The following EPS8 variants were observed in gnomAD, a reference collection of about 807,000 sequenced individuals.
The protein encoded by EPS8 is EGFR pathway substrate 8, signaling adaptor, also known as epidermal growth factor receptor kinase substrate 8.
EPS8 carries 42 observed loss-of-function variants against 103.8 expected under a neutral mutation model. The ratio of observed to expected loss-of-function variants is 0.40; its 90% confidence interval spans 0.32 to 0.52. EPS8 has a LOEUF of 0.52. Ranked by LOEUF, EPS8 falls within the 20% of genes least tolerant of loss-of-function variation. EPS8 has a pLI of 0.40. For missense variants in EPS8, 969 were observed against 1,005.1 expected (o/e 0.96, Z 0.49); for synonymous variants, 344 against 344.6 (o/e 1.00, Z 0.02).
intron 19 of EPS8, among the ~76,000 whole-genome samples, 196 bp from the exon 20 acceptor site, chr12:15,623,483 C>G (rs984397409): frequency 6.6e-6 from 1 of 152,094 alleles, no homozygotes; most frequent in African/African-American, 2.4e-5. Context: ...TGAGGCTATA[C>G]AGATTATTAA....
In EPS8 at chr12:15,684,923, A is replaced by G. The variant is rs1946070451; in HGVS notation, c.-21-1951T>C. Among the ~76,000 whole-genome samples, 1 of 152,194 alleles carries G rather than the reference A, an allele frequency of 6.6e-6. No individual in the cohort carries two copies. Among genetic ancestry groups the G allele is most frequent in the Non-Finnish European group, 1.5e-5 (1 of 68,032 alleles). Reference sequence around the variant, plus strand: ...TTTTGTTGTTTTCCTTCTTCAGTTTACACTTGGATACAATCAGTGGTGTGC... The same window carrying G: ...TTTTGTTGTTTTCCTTCTTCAGTTTGCACTTGGATACAATCAGTGGTGTGC... On this transcript the variant is annotated intron_variant, in intron 1 of 20. Coordinates refer to ENST00000281172, the MANE Select transcript of EPS8 (RefSeq NM_004447.6). This position sits in a 1 kb window ranked among gnomAD's most constrained non-coding sequence, Gnocchi z 4.9.
rs1447519656 is a variant in EPS8 at position 15,697,690 on chromosome 12, AT to A, written c.-21-14719del. On this transcript the variant is annotated intron_variant, in intron 1 of 20. Transcript: ENST00000281172. The surrounding 1 kb of genome is among the most constrained non-coding windows in gnomAD (Gnocchi z 5.6). ...ATGACCTCTAAAAAGAACTACATGG[AT>A]TTTTTTCTTCTTTTGCCAAAAATTA... Among the ~76,000 whole-genome samples the A allele has an allele frequency of 3.3e-5, 5 of 152,138 alleles. No homozygotes were observed. Among genetic ancestry groups the A allele is most frequent in the Non-Finnish European group, 7.4e-5 (5 of 68,018 alleles).
intron 17 of EPS8, among the ~76,000 whole-genome samples, chr12:15,639,033 C>T (rs1565472381): frequency 6.6e-6 from 1 of 152,156 alleles, no homozygotes; most frequent in African/African-American, 2.4e-5. Flanking sequence ...TCGCAGTTTG[C>T]TTATTCCTAG....
intron 15 of EPS8, among the ~76,000 whole-genome samples, chr12:15,644,380 T>C (rs2135765915): frequency 1.3e-5 from 2 of 152,296 alleles, no homozygotes; most frequent in Middle Eastern, 6.8e-3. Flanking sequence ...TGTGCCACTT[T>C]TTTTTCCCCT....
At chr12:15,687,716 A>C (rs556572138) in intron 1 of EPS8, among the ~76,000 whole-genome samples, 4 of 152,320 alleles carry the variant, frequency 2.6e-5, no homozygotes, top group African/African-American at 9.6e-5. Flanking sequence ...GACATATTCT[A>C]ATACTACTAT....
chr12:15,654,057 G>A lies in EPS8; in HGVS notation c.1250+88C>T, dbSNP rs139326309. 5,972 of 1,270,986 alleles carry A rather than the reference G, an allele frequency of 4.7e-3. 36 individuals are homozygous for A. The highest frequency in any genetic ancestry group is 0.013 in the Middle Eastern group (70 of 5,226). The allele number at this position is 1,270,986 out of a possible 1,614,324, so 78.7% of individuals were successfully genotyped here. A position where few individuals can be genotyped will look rare whatever the true frequency, so the allele number is the denominator to read the frequency against. ...TTCATCCTATGACGCTTAGTCCTTCGTATGTAGAAGGTTAAATAAATGTCT... is the reference window on the plus strand; with the variant it reads ...TTCATCCTATGACGCTTAGTCCTTCATATGTAGAAGGTTAAATAAATGTCT... On this transcript the variant is annotated intron_variant, in intron 13 of 20. Coordinates refer to ENST00000281172, the MANE Select transcript of EPS8 (RefSeq NM_004447.6).
intron 8 of EPS8, among the ~76,000 whole-genome samples, chr12:15,664,563 T>G (rs184112391): frequency 2.6e-4 from 39 of 152,350 alleles, no homozygotes; most frequent in African/African-American, 9.4e-4. Context: ...TACAGAGAGA[T>G]AACTTCCCAA....
chr12:15,669,324 G>T, intron 6 of EPS8, 63 bp downstream of exon 6: 2 of 1,444,610 alleles, frequency 1.4e-6, no homozygotes, highest in Non-Finnish European at 1.9e-6. Context: ...ATCAAAATAG[G>T]TAATTCAAAA....
Position 15,702,630 on chromosome 12 carries a change from T to C in EPS8, c.-21-19658A>G, listed in dbSNP as rs1946324890. 6.8e-6 allele frequency among the ~76,000 whole-genome samples: 1 copy of C among 146,996 alleles called. No homozygotes were observed. The highest frequency in any genetic ancestry group is 3.4e-3 in the Middle Eastern group (1 of 294). On this transcript the variant is annotated intron_variant, in intron 1 of 20. Transcript: ENST00000281172. This position sits in a 1 kb window ranked among gnomAD's most constrained non-coding sequence, Gnocchi z 5.1. Reference sequence around the variant, plus strand: ...TAAAACATATATCCAGTATATTAAATATGAAGAAAAAAATTGCATGCCTAA... The same window carrying C: ...TAAAACATATATCCAGTATATTAAACATGAAGAAAAAAATTGCATGCCTAA...
intron 3 of EPS8, among the ~76,000 whole-genome samples, chr12:15,680,406 G>T (rs1175837318): frequency 6.6e-6 from 1 of 152,084 alleles, no homozygotes; most frequent in African/African-American, 2.4e-5. Flanking sequence ...TAAGTATTTT[G>T]CATGTACTAA....
intron 1 of EPS8, among the ~76,000 whole-genome samples, chr12:15,718,996 A>G (rs1946563562): frequency 6.6e-6 from 1 of 152,142 alleles, no homozygotes; most frequent in African/African-American, 2.4e-5. Flanking sequence ...TCTCCTATCT[A>G]TAATCATGTG....
At chr12:15,699,800 C>T (rs1946289140) in intron 1 of EPS8, among the ~76,000 whole-genome samples, 1 of 152,202 alleles carries the variant, frequency 6.6e-6, no homozygotes, top group South Asian at 2.1e-4. Flanking sequence ...AATGCCCTTT[C>T]CACTACTTTA....
intron 1 of EPS8, among the ~76,000 whole-genome samples, chr12:15,710,480 AC>A (rs1442835489): frequency 5.9e-5 from 9 of 152,248 alleles, no homozygotes; most frequent in African/African-American, 2.2e-4. Context: ...ATCTTACATT[AC>A]CAAGTACAGA....
chr12:15,692,319 GTTTTTTTTTT>G (rs56016545), intron 1 of EPS8, among the ~76,000 whole-genome samples: 1 of 120,320 alleles, frequency 8.3e-6, no homozygotes, highest in African/African-American at 3.3e-5. Context: ...AAGAGGTTTG[GTTTTTTTTTT>G]TTTTTTTTTT....
At chr12:15,710,231 C>T (rs1198866588) in intron 1 of EPS8, among the ~76,000 whole-genome samples, 1 of 152,174 alleles carries the variant, frequency 6.6e-6, no homozygotes, top group African/African-American at 2.4e-5. Context: ...CCAATGGAAT[C>T]TAATACTAGA....
intron 14 of EPS8, among the ~76,000 whole-genome samples, chr12:15,648,865 C>A (rs4237954): frequency 0.79 from 120,991 of 152,206 alleles, 53,457 homozygotes; most frequent in Non-Finnish European, 0.97. Context: ...TTTGTCACTC[C>A]AAGTCACCTA....
At chr12:15,710,846 A>G (rs972425042) in intron 1 of EPS8, among the ~76,000 whole-genome samples, 1 of 152,140 alleles carries the variant, frequency 6.6e-6, no homozygotes, top group Non-Finnish European at 1.5e-5. Flanking sequence ...AAATATTTAT[A>G]CAATTCAACT....
At position 15,760,137 on chromosome 12, in the gene EPS8, C is replaced by A. The variant is rs1040053269; in HGVS notation, c.-22+29024G>T. Among the ~76,000 whole-genome samples, 2 of 152,044 alleles carry A rather than the reference C, an allele frequency of 1.3e-5. No individual in the cohort carries two copies. The highest frequency in any genetic ancestry group is 4.1e-4 in the South Asian group (2 of 4,820). ...AAAGTAGACATTACAGCTGATACCA[C>A]AGAAATTCAAAGGATCATTAGTGGC... On this transcript the variant is annotated intron_variant, in intron 1 of 20. Coordinates refer to ENST00000281172, the MANE Select transcript of EPS8 (RefSeq NM_004447.6). The surrounding 1 kb of genome is among the most constrained non-coding windows in gnomAD (Gnocchi z 4.5).
At chr12:15,718,018 C>T (rs1022166213) in intron 1 of EPS8, among the ~76,000 whole-genome samples, 1 of 152,150 alleles carries the variant, frequency 6.6e-6, no homozygotes, top group Non-Finnish European at 1.5e-5. Context: ...TTTCTCATTT[C>T]CTTTCATGTC....
Sources: gnomAD v4.1 joint callset for allele counts (sites outside exome capture counted in the v4.1 genomes callset) on GRCh38, gnomAD v4.1.1 for gene constraint, Gnocchi (gnomAD v3.1) non-coding constraint, MANE v1.5 for transcripts, NCBI Gene and HGNC (gene_info 2026-07-23, HGNC 2026-07-21) for gene names.